SLC4A4: variants seen among roughly 807,000 people sequenced by gnomAD.
SLC4A4 encodes the protein electrogenic sodium bicarbonate cotransporter 1.
A neutral mutation model predicts 111.5 loss-of-function variants in SLC4A4; 27 were observed. The ratio of observed to expected loss-of-function variants is 0.24; its 90% CI spans 0.18 to 0.33. The LOEUF is 0.33. Ranked by LOEUF, SLC4A4 falls within the 10% of genes least tolerant of loss-of-function variation. SLC4A4 has a pLI of 1.00. For missense variants in SLC4A4, 909 were observed against 1,315.5 expected, an observed-to-expected ratio of 0.69 and a Z score of 4.78; for synonymous variants, 443 against 463.4, an observed-to-expected ratio of 0.96 and a Z score of 0.57.
chr4:71,367,141 C>T (rs1026450092), intron 6 of SLC4A4, among the ~76,000 whole-genome samples: 16 of 152,156 alleles, frequency 1.1e-4, no homozygotes, highest in African/African-American at 3.6e-4. Context: ...TAGTTCCCAA[C>T]AATACACTGA....
Position 71,170,747 on chromosome 4 carries a change from T to A in SLC4A4, c.-1-65829T>A, listed in dbSNP as rs79695005. ...AAACATATACCAAAAGCCTCAATAC[T>A]GGTGATGGTGTTGGTGACATTTAAG... On this transcript the variant is annotated intron_variant, in intron 2 of 26. Coordinates refer to the SLC4A4 transcript ENST00000649996. Among the ~76,000 whole-genome samples, 1,286 of 152,304 alleles carry A rather than the reference T, an allele frequency of 8.4e-3. 15 individuals carry two copies. The highest frequency in any genetic ancestry group is 0.014 in the Middle Eastern group (4 of 292).
Position 71,349,994 on chromosome 4 carries a change from T to G in SLC4A4, c.472T>G (p.Leu158Val), listed in dbSNP as rs1337797532. Residue 158 changes from leucine (L) to valine (V), a missense_variant, in exon 5 of 26, where the codon TTA becomes GTA. Coordinates refer to ENST00000264485, the MANE Select transcript of SLC4A4 (RefSeq NM_001098484.3). Reference sequence around the variant, plus strand: ...TGTGGCCACATTGTCCCTTCATAGTTTATTTGAGCTGAGGACATGTATGGA... The same window carrying G: ...TGTGGCCACATTGTCCCTTCATAGTGTATTTGAGCTGAGGACATGTATGGA... ...PHVATLSLHS[L>V]FELRTCMEKG... 1 of 1,613,966 alleles carries G rather than the reference T, an allele frequency of 6.2e-7. No individual in the cohort carries two copies. Among genetic ancestry groups the G allele is most frequent in the Non-Finnish European group, 8.5e-7 (1 of 1,180,010 alleles).
chr4:71,325,989 G>T (rs982110339), intron 3 of SLC4A4, among the ~76,000 whole-genome samples: 2 of 151,572 alleles, frequency 1.3e-5, no homozygotes, highest in Non-Finnish European at 1.5e-5. Flanking sequence ...GAAGTTTGAG[G>T]ATTTTATATA....
intron 1 of SLC4A4, among the ~76,000 whole-genome samples, chr4:71,068,581 G>A (rs79737805): frequency 6.7e-6 from 1 of 149,390 alleles, no homozygotes; most frequent in African/African-American, 2.5e-5. Flanking sequence ...TTTTTTTTAG[G>A]CAGTGTCTTG....
chr4:71,158,141 GTC>G lies in SLC4A4; in HGVS notation c.-2+65367_-2+65368del, dbSNP rs1272085164. ...TGTGTGTGTGTGTGTGTGTGTGTGTGTCTCTCTCTCTCTCTCTCTTTCTCTCT... is the reference window on the plus strand; with the variant it reads ...TGTGTGTGTGTGTGTGTGTGTGTGTGTCTCTCTCTCTCTCTCTTTCTCTCT... On this transcript the variant is annotated intron_variant, in intron 2 of 26. Coordinates refer to the SLC4A4 transcript ENST00000649996. Among the ~76,000 whole-genome samples the G allele has an allele frequency of 5.0e-3, 602 of 120,352 alleles. 2 individuals carry two copies. Among genetic ancestry groups the G allele is most frequent in the African/African-American group, 0.015 (502 of 33,218 alleles). The allele number at this position is 120,352 out of a possible 152,430, so 79.0% of individuals were successfully genotyped here.
At chr4:71,520,824 A>G (rs1451523251) in intron 16 of SLC4A4, among the ~76,000 whole-genome samples, 1 of 150,476 alleles carries the variant, frequency 6.6e-6, no homozygotes, top group Non-Finnish European at 1.5e-5. Flanking sequence ...GAACTTACTC[A>G]TTTCTCTGTA....
intron 6 of SLC4A4, among the ~76,000 whole-genome samples, chr4:71,372,782 T>C (rs1732006141): frequency 6.6e-6 from 1 of 152,206 alleles, no homozygotes; most frequent in Admixed American, 6.5e-5. Context: ...TTGCAAGTAC[T>C]TACCCAGTGT....
At chr4:71,071,263 G>A (rs1234257204) in intron 1 of SLC4A4, among the ~76,000 whole-genome samples, 4 of 80,662 alleles carry the variant, frequency 5.0e-5, no homozygotes, top group Admixed American at 1.6e-4. Context: ...GAGTGAGACC[G>A]TCTTAAAAAA....
intron 7 of SLC4A4, among the ~76,000 whole-genome samples, chr4:71,412,924 G>A (rs1283003903): frequency 1.3e-5 from 2 of 152,110 alleles, no homozygotes; most frequent in African/African-American, 2.4e-5. Context: ...ATAAGAAGCC[G>A]ACTTTGGGCT....
At chr4:71,505,737 T>G (rs1262246341) in intron 16 of SLC4A4, among the ~76,000 whole-genome samples, 1 of 152,198 alleles carries the variant, frequency 6.6e-6, no homozygotes, top group Non-Finnish European at 1.5e-5. Context: ...GCAATTGCTT[T>G]TGGTGTCTTC....
chr4:71,484,208 T>C (rs984197314), intron 14 of SLC4A4, among the ~76,000 whole-genome samples: 6 of 151,982 alleles, frequency 3.9e-5, no homozygotes, highest in Non-Finnish European at 7.4e-5. Flanking sequence ...TTTGCTTTTG[T>C]TGCAATTGCT....
intron 1 of SLC4A4, among the ~76,000 whole-genome samples, chr4:71,190,428 ACAGACAC>A (rs1745679247): frequency 7.2e-6 from 1 of 138,158 alleles, no homozygotes; most frequent in South Asian, 2.4e-4. Flanking sequence ...ACACACACAC[ACAGACAC>A]AACTCATTTG....
chr4:71,206,933 G>C (rs960307070), intron 1 of SLC4A4, among the ~76,000 whole-genome samples: 16 of 152,058 alleles, frequency 1.1e-4, no homozygotes, highest in African/African-American at 3.9e-4. Context: ...TCAGCCTCTG[G>C]AATCAGCTTG....
intron 16 of SLC4A4, among the ~76,000 whole-genome samples, chr4:71,513,999 A>G (rs546296117): frequency 6.6e-6 from 1 of 152,256 alleles, no homozygotes; most frequent in East Asian, 1.9e-4. Context: ...TAATTGTGGT[A>G]TATTATCTTG....
intron 7 of SLC4A4, among the ~76,000 whole-genome samples, chr4:71,420,524 C>A (rs1320615565): frequency 6.6e-6 from 1 of 152,012 alleles, no homozygotes; most frequent in African/African-American, 2.4e-5. Flanking sequence ...AACTCCAAGA[C>A]ACATAATTGT....
intron 7 of SLC4A4, among the ~76,000 whole-genome samples, chr4:71,403,226 G>A (rs1387467212): frequency 6.6e-6 from 1 of 152,100 alleles, no homozygotes; most frequent in Non-Finnish European, 1.5e-5. Flanking sequence ...TTAGAGCTAT[G>A]GTTTTAAGTA....
chr4:71,490,469 G>A (rs1393538419), intron 15 of SLC4A4, among the ~76,000 whole-genome samples: 1 of 151,772 alleles, frequency 6.6e-6, no homozygotes, highest in Non-Finnish European at 1.5e-5. Flanking sequence ...ATGGAATGCT[G>A]TATTTTGTTT....
At chr4:71,179,551 T>C (rs1277820109) in intron 2 of SLC4A4, among the ~76,000 whole-genome samples, 4 of 141,910 alleles carry the variant, frequency 2.8e-5, no homozygotes, top group Non-Finnish European at 5.9e-5. Flanking sequence ...AGCATTCTTA[T>C]ATACCAATAA....
chr4:71,148,176 G>T (rs933695258), intron 2 of SLC4A4, among the ~76,000 whole-genome samples: 76 of 152,232 alleles, frequency 5.0e-4, no homozygotes, highest in African/African-American at 1.8e-3. Flanking sequence ...CAGTGACAGG[G>T]AACTTCCAAG....
Sources: gnomAD v4.1 joint callset for allele counts (sites outside exome capture counted in the v4.1 genomes callset) on GRCh38, gnomAD v4.1.1 for gene constraint, MANE v1.5 for transcripts, NCBI Gene and HGNC (gene_info 2026-07-23, HGNC 2026-07-21) for gene names.